The following CDH13 variants were observed in gnomAD, a reference collection of about 807,000 sequenced individuals.
CDH13 encodes the protein cadherin-13.
CDH13 carries 24 observed loss-of-function variants against 63.8 expected under a neutral mutation model. The ratio of observed to expected loss-of-function variants is 0.38; its 90% confidence interval spans 0.27 to 0.53. The LOEUF is 0.53. Among genes scored for constraint, CDH13 ranks in the 20% least tolerant of loss-of-function variants. The pLI, the probability that CDH13 is intolerant of heterozygous loss-of-function variation, is 0.85. For synonymous variants in CDH13, 503 were observed against 355.3 expected, an observed-to-expected ratio of 1.42 and a Z score of -4.67; for missense variants, 1,049 against 903.1, an observed-to-expected ratio of 1.16 and a Z score of -2.07.
At position 82,644,088 on chromosome 16, in the gene CDH13, G is replaced by C. The variant is rs73599167; in HGVS notation, c.45+16951G>C. The stretch of plus-strand genomic sequence containing the variant: ...TATGGAGGTCGGGTGGGGAGAAAGA[G>C]GAGAGAAATCTAATTGATATGCTAA... On this transcript the variant is annotated intron_variant, in intron 1 of 13. Coordinates refer to ENST00000567109, the MANE Select transcript of CDH13 (RefSeq NM_001257.5). The surrounding 1 kb of genome is among the most constrained non-coding windows in gnomAD (Gnocchi z 5.7). Among the ~76,000 whole-genome samples, 8,725 of 152,156 alleles carry C rather than the reference G, an allele frequency of 0.057. 278 individuals are homozygous for C. Among genetic ancestry groups the C allele is most frequent in the Middle Eastern group, 0.075 (22 of 294 alleles).
chr16:83,152,637 C>T (rs1007418474), intron 4 of CDH13, among the ~76,000 whole-genome samples: 2 of 152,118 alleles, frequency 1.3e-5, no homozygotes, highest in East Asian at 1.9e-4. Context: ...AAAGAGGAAA[C>T]CTTAGCAATA....
intron 13 of CDH13, among the ~76,000 whole-genome samples, chr16:83,786,918 T>C (rs1406808569): frequency 6.6e-6 from 1 of 152,158 alleles, no homozygotes; most frequent in African/African-American, 2.4e-5. Flanking sequence ...GAAAGTAAAA[T>C]ATTACAGGCA....
intron 1 of CDH13, among the ~76,000 whole-genome samples, chr16:82,839,823 C>G (rs748047654): frequency 1.1e-4 from 16 of 152,174 alleles, no homozygotes; most frequent in African/African-American, 3.9e-4. Flanking sequence ...AAGATGATCC[C>G]TTTTCTTCCA....
At chr16:83,339,989 A>T (rs1040720841) in intron 5 of CDH13, among the ~76,000 whole-genome samples, 48 of 152,174 alleles carry the variant, frequency 3.2e-4, no homozygotes, top group African/African-American at 1.1e-3. Flanking sequence ...CAAAAATCAC[A>T]CCAAGGCTAA....
At chr16:82,915,996 T>C (rs2151272937) in intron 2 of CDH13, among the ~76,000 whole-genome samples, 1 of 152,088 alleles carries the variant, frequency 6.6e-6, no homozygotes, top group East Asian at 1.9e-4. Context: ...GCAGAGACTT[T>C]TGGGCTCTGT....
chr16:82,720,378 C>T (rs987520738), intron 1 of CDH13, among the ~76,000 whole-genome samples: 9 of 152,010 alleles, frequency 5.9e-5, no homozygotes, highest in Non-Finnish European at 7.4e-5. Flanking sequence ...TACAATACTT[C>T]GTATTAATTA....
chr16:82,997,023 A>T (rs943413386), intron 2 of CDH13, among the ~76,000 whole-genome samples: 3 of 147,832 alleles, frequency 2.0e-5, no homozygotes, highest in Non-Finnish European at 4.5e-5. Context: ...GATGGTGATG[A>T]TGGTGATGGT....
chr16:83,211,656 C>T (rs565750508), intron 4 of CDH13, among the ~76,000 whole-genome samples: 1 of 152,138 alleles, frequency 6.6e-6, no homozygotes, highest in Non-Finnish European at 1.5e-5. Context: ...TGAGAACACC[C>T]TTAAAATCAA....
At chr16:83,192,318 C>T (rs1302074234) in intron 4 of CDH13, among the ~76,000 whole-genome samples, 5 of 152,176 alleles carry the variant, frequency 3.3e-5, no homozygotes, top group Non-Finnish European at 7.3e-5. Flanking sequence ...AGGGACTGTG[C>T]TGTGGATTCA....
At chr16:83,268,929 A>AAACTGCAAGATC (rs11271229) in intron 5 of CDH13, among the ~76,000 whole-genome samples, 1 of 151,810 alleles carries the variant, frequency 6.6e-6, no homozygotes, top group Admixed American at 6.6e-5. Flanking sequence ...GCCACAAGCC[A>AAACTGCAAGATC]AAGACCAGAG....
At chr16:82,974,018 C>G (rs1195299373) in intron 2 of CDH13, among the ~76,000 whole-genome samples, 1 of 152,156 alleles carries the variant, frequency 6.6e-6, no homozygotes, top group Non-Finnish European at 1.5e-5. Flanking sequence ...CTCCCCGGTT[C>G]TAGCGATTCT....
At position 83,572,136 on chromosome 16, in the gene CDH13, C is replaced by G. The variant is rs138530040; in HGVS notation, c.961-30318C>G. 7.6e-4 allele frequency among the ~76,000 whole-genome samples: 115 copies of G among 151,364 alleles called. 1 individual carries two copies. In the South Asian group the frequency reaches 9.0e-3, roughly 12 times the overall value. ...TATTTTTACAGTCATCATCAAAACC[C>G]TAATTGATAACTAGGTATTTTTTAT... On this transcript the variant is annotated intron_variant, in intron 7 of 13. Coordinates refer to ENST00000567109, the MANE Select transcript of CDH13 (RefSeq NM_001257.5).
intron 2 of CDH13, among the ~76,000 whole-genome samples, chr16:83,000,863 G>A (rs1912849514): frequency 6.6e-6 from 1 of 152,164 alleles, no homozygotes; most frequent in Non-Finnish European, 1.5e-5. Flanking sequence ...ACCGGCGTGA[G>A]CCACCGCGCC....
intron 6 of CDH13, among the ~76,000 whole-genome samples, chr16:83,442,048 A>G (rs1416147813): frequency 6.6e-6 from 1 of 152,104 alleles, no homozygotes; most frequent in African/African-American, 2.4e-5. Context: ...TTTTGTCCAC[A>G]AGCAAAATAG....
At chr16:83,297,489 G>A (rs977528933) in intron 5 of CDH13, among the ~76,000 whole-genome samples, 5 of 152,142 alleles carry the variant, frequency 3.3e-5, no homozygotes, top group Admixed American at 3.3e-4. Context: ...AACAAATGCT[G>A]TTCTCAAATA....
At chr16:82,717,778 A>T (rs1425907319) in intron 1 of CDH13, among the ~76,000 whole-genome samples, 1 of 152,218 alleles carries the variant, frequency 6.6e-6, no homozygotes, top group Non-Finnish European at 1.5e-5. Context: ...TTTACCACAA[A>T]AGTTAATATA....
intron 1 of CDH13, among the ~76,000 whole-genome samples, chr16:82,798,839 T>G (rs2151155616): frequency 6.6e-6 from 1 of 152,252 alleles, no homozygotes; most frequent in East Asian, 1.9e-4. Flanking sequence ...CTGGGTTCTG[T>G]GTTGAGTGCT....
chr16:83,354,241 A>G (rs2091012233), intron 6 of CDH13, among the ~76,000 whole-genome samples: 1 of 152,232 alleles, frequency 6.6e-6, no homozygotes, highest in Non-Finnish European at 1.5e-5. Flanking sequence ...ATACCAAAGG[A>G]TCCACTGTGA....
At chr16:82,852,610 C>T (rs1597802280) in intron 1 of CDH13, among the ~76,000 whole-genome samples, 1 of 152,274 alleles carries the variant, frequency 6.6e-6, no homozygotes, top group East Asian at 1.9e-4. Flanking sequence ...TGAGAAGTAG[C>T]CAGAGACTAA....
Sources: gnomAD v4.1 joint callset for allele counts (sites outside exome capture counted in the v4.1 genomes callset) on GRCh38, gnomAD v4.1.1 for gene constraint, Gnocchi (gnomAD v3.1) non-coding constraint, MANE v1.5 for transcripts, NCBI Gene and HGNC (gene_info 2026-07-23, HGNC 2026-07-21) for gene names.